Variants in ATP10B observed in about 807,000 individuals in gnomAD.
The protein encoded by ATP10B is ATPase phospholipid transporting 10B (putative).
ATP10B carries 122 observed loss-of-function variants against 141.2 expected under a neutral mutation model. The ratio of observed to expected loss-of-function variants is 0.86; its 90% CI spans 0.75 to 1.00. The LOEUF (loss-of-function observed/expected upper bound fraction) is 1.00, where lower values mean the gene tolerates loss of function less well. ATP10B is among the 50% of genes least tolerant of loss of function. ATP10B has a pLI of 0.00. For synonymous variants in ATP10B, 685 were observed against 692.0 expected, an observed-to-expected ratio of 0.99 and a Z score of 0.16; for missense variants, 1,876 against 1,825.3, an observed-to-expected ratio of 1.03 and a Z score of -0.51.
intron 13 of ATP10B, among the ~76,000 whole-genome samples, chr5:160,625,122 G>A (rs1758544861): frequency 6.6e-6 from 1 of 152,218 alleles, no homozygotes; most frequent in African/African-American, 2.4e-5. Context: ...TGAGGAGACT[G>A]ATGCCCAAGG....
At chr5:160,629,950 A>G (rs1758831097) in intron 13 of ATP10B, among the ~76,000 whole-genome samples, 1 of 152,202 alleles carries the variant, frequency 6.6e-6, no homozygotes, top group Non-Finnish European at 1.5e-5. Flanking sequence ...AGGTGGTGAA[A>G]GAGACATAGA....
chr5:160,652,921 AAT>A (rs1167123701), intron 7 of ATP10B, among the ~76,000 whole-genome samples: 7 of 80,892 alleles, frequency 8.7e-5, no homozygotes, highest in African/African-American at 3.6e-4. Flanking sequence ...ATGTATATAT[AAT>A]ATATTATATA....
intron 3 of ATP10B, among the ~76,000 whole-genome samples, chr5:160,708,656 G>A (rs1049897916): frequency 3.3e-5 from 5 of 152,172 alleles, no homozygotes; most frequent in African/African-American, 9.7e-5. Flanking sequence ...GGCATGTACA[G>A]GTTTGGAATC....
At chr5:160,727,937 A>G (rs1196470680) in intron 2 of ATP10B, among the ~76,000 whole-genome samples, 1 of 152,166 alleles carries the variant, frequency 6.6e-6, no homozygotes, top group Non-Finnish European at 1.5e-5. Context: ...ACCAATTGTA[A>G]CTTTAGGTCT....
intron 2 of ATP10B, among the ~76,000 whole-genome samples, chr5:160,735,417 A>G (rs1445840071): frequency 1.3e-5 from 2 of 152,166 alleles, no homozygotes; most frequent in Non-Finnish European, 2.9e-5. Flanking sequence ...CTATATAATG[A>G]TAAAGGGGTC....
chr5:160,822,940 C>T (rs1774215758), intron 1 of ATP10B, among the ~76,000 whole-genome samples: 1 of 129,384 alleles, frequency 7.7e-6, no homozygotes, highest in African/African-American at 2.9e-5. Flanking sequence ...TGAATAAGAC[C>T]TAGTACTTAT....
the ATP10B span, among the ~76,000 whole-genome samples, chr5:160,901,982 C>T: frequency 3.9e-5 from 6 of 152,256 alleles, no homozygotes; most frequent in East Asian, 1.2e-3. Flanking sequence ...CCCAAGGTCA[C>T]CCAGCTGATG....
chr5:160,642,155 T>G (rs1477282), intron 9 of ATP10B, among the ~76,000 whole-genome samples: 134,691 of 152,290 alleles, frequency 0.88, 59,853 homozygotes, highest in African/African-American at 0.95. Flanking sequence ...TTGGGTTGCA[T>G]AGAGTTCAAC....
chr5:160,570,016 TTTTG>T (rs1269096691), intron 24 of ATP10B, among the ~76,000 whole-genome samples: 1 of 152,060 alleles, frequency 6.6e-6, no homozygotes, highest in Non-Finnish European at 1.5e-5. Context: ...TCGTATGACT[TTTTG>T]TTTTTTTTCC....
At chr5:160,889,370 G>A in the ATP10B span, among the ~76,000 whole-genome samples, 3 of 152,208 alleles carry the variant, frequency 2.0e-5, no homozygotes, top group Non-Finnish European at 4.4e-5. Flanking sequence ...AGAACCAGCT[G>A]TTGTCCATCC....
chr5:160,658,948 T>C lies in ATP10B; in HGVS notation c.676-9692A>G, dbSNP rs140733241. 3.8e-3 allele frequency among the ~76,000 whole-genome samples: 581 copies of C among 152,318 alleles called. 5 individuals are homozygous for C. Among genetic ancestry groups the C allele is most frequent in the African/African-American group, 0.013 (522 of 41,574 alleles). ...GTCACATGTAACCAAGAGTCTTAAC[T>C]AATCCGTATACCATATTAGATTGGT... On this transcript the variant is annotated intron_variant, in intron 7 of 25. Coordinates refer to ENST00000327245, the MANE Select transcript of ATP10B (RefSeq NM_025153.3).
At chr5:160,666,982 G>A (rs1221706281) in intron 7 of ATP10B, among the ~76,000 whole-genome samples, 1 of 152,104 alleles carries the variant, frequency 6.6e-6, no homozygotes, top group Non-Finnish European at 1.5e-5. Flanking sequence ...ATTTTGGGAG[G>A]CTGAGGCAGG....
At chr5:160,693,219 G>A (rs1764169151) in intron 3 of ATP10B, among the ~76,000 whole-genome samples, 1 of 151,980 alleles carries the variant, frequency 6.6e-6, no homozygotes, top group Admixed American at 6.6e-5. Context: ...TAGGTATAAA[G>A]GGCATTATTG....
chr5:160,866,943 G>T, the ATP10B span, among the ~76,000 whole-genome samples: 2 of 152,088 alleles, frequency 1.3e-5, no homozygotes, highest in South Asian at 4.1e-4. Flanking sequence ...TGAACGACTG[G>T]ACCAAAAAGC....
intron 2 of ATP10B, among the ~76,000 whole-genome samples, chr5:160,740,112 A>T (rs1007865650): frequency 1.6e-4 from 24 of 152,262 alleles, no homozygotes; most frequent in Non-Finnish European, 1.5e-5. Context: ...AATAAATGCT[A>T]AAGTGGGAAC....
intron 2 of ATP10B, among the ~76,000 whole-genome samples, chr5:160,756,903 AGCTT>A (rs1482929374): frequency 6.6e-6 from 1 of 152,034 alleles, no homozygotes; most frequent in Non-Finnish European, 1.5e-5. Context: ...CCTAGTATAT[AGCTT>A]GCTTTATTTT....
At chr5:160,615,438 C>T (rs1290036191) in intron 17 of ATP10B, among the ~76,000 whole-genome samples, 3 of 151,012 alleles carry the variant, frequency 2.0e-5, no homozygotes, top group African/African-American at 7.3e-5. Context: ...ATTGCTTGCT[C>T]GATCATCTAG....
Position 160,565,747 on chromosome 5 carries a change from T to G in ATP10B, c.4092A>C (p.Pro1364=), listed in dbSNP as rs3812006. 0.35 allele frequency: 565,394 copies of G among 1,613,414 alleles called. 102,698 individuals are homozygous for G. The highest frequency in any genetic ancestry group is 0.56 in the African/African-American group (41,713 of 74,832). Residue 1364 remains proline (P), a synonymous_variant, in exon 26 of 26, where the codon CCA becomes CCC. Transcript: ENST00000327245. ...TGATAGATGACACTGGGTGGTGAGT[T>G]GGTCGAGCCACTTCGGGGACAGGGG... is the stretch of plus-strand genomic sequence containing the variant. ...RPAPVPEVAR[P]THHPVSSITG... is the part of the protein sequence containing the mutation.
At chr5:160,602,853 T>G in intron 20 of ATP10B, 151 bp from the exon 21 acceptor site, 14 of 938,100 alleles carry the variant, frequency 1.5e-5, no homozygotes, top group Non-Finnish European at 2.2e-5. Flanking sequence ...CTTTTTGGAT[T>G]CTGACACCCC....
Sources: gnomAD v4.1 joint callset for allele counts (sites outside exome capture counted in the v4.1 genomes callset) on GRCh38, gnomAD v4.1.1 for gene constraint, MANE v1.5 for transcripts, NCBI Gene and HGNC (gene_info 2026-07-23, HGNC 2026-07-21) for gene names.